Variants in BAIAP3 observed in about 807,000 individuals in gnomAD.
BAIAP3 encodes BAI1 associated protein 3, also known as BAI1-associated protein 3.
A neutral mutation model predicts 149.7 loss-of-function variants in BAIAP3; 180 were observed. The observed-to-expected ratio is 1.20, with a 90% CI of 1.07 to 1.36. The LOEUF (loss-of-function observed/expected upper bound fraction) is 1.36. Among genes scored for constraint, BAIAP3 ranks in the 40% most tolerant of loss-of-function variants. BAIAP3 has a pLI of 0.00. For missense variants in BAIAP3, 1,767 were observed against 1,563.4 expected, an observed-to-expected ratio of 1.13 and a Z score of -2.20; for synonymous variants, 845 against 670.7, an observed-to-expected ratio of 1.26 and a Z score of -4.02.
In BAIAP3 at chr16:1,342,807, C is replaced by T. The variant is rs1266353136; in HGVS notation, c.1154C>T (p.Ala385Val). The change falls in exon 13 of 34, where the codon GCA becomes GTA. Residue 385 changes from alanine (A) to valine (V), a missense_variant. Coordinates refer to ENST00000426824, the MANE Select transcript of BAIAP3 (RefSeq NM_001199097.2). The stretch of plus-strand genomic sequence containing the variant: ...CATCTGCTGCGGTTGGAGCACTCAG[C>T]AGAGGAGGTAGTGGGTGCGCCTAGG... ...LSHLLRLEHS[A>V]EEPNSSSWRG... 5.0e-6 allele frequency: 8 copies of T among 1,612,674 alleles called. No homozygotes were observed. Among genetic ancestry groups the T allele is most frequent in the South Asian group, 1.1e-5 (1 of 91,078 alleles).
chr16:1,344,863 C>G lies in BAIAP3; in HGVS notation c.1809+14C>G, dbSNP rs2141601990. On this transcript the variant is annotated intron_variant, in intron 20 of 33. Coordinates refer to ENST00000426824, the MANE Select transcript of BAIAP3 (RefSeq NM_001199097.2). ...CTGGAGCGTCTGGTGAGGAGGGTCC[C>G]TGACCCCGGGTGCCTGCCAGGCATG... 6.2e-7 allele frequency: 1 copy of G among 1,613,694 alleles called. No homozygotes were observed. Among genetic ancestry groups the G allele is most frequent in the East Asian group, 2.2e-5 (1 of 44,890 alleles).
At chr16:1,333,782 G>C (rs1403032514) in intron 1 of BAIAP3, 33 bp downstream of exon 1, 6 of 151,976 alleles carry the variant, frequency 3.9e-5, no homozygotes, top group Non-Finnish European at 8.8e-5. Context: ...AGTGCTGTTG[G>C]GCCGCCGTCT....
rs1368367575 is a variant in BAIAP3 at position 1,338,905 on chromosome 16, A to T, written c.135A>T (p.Lys45Asn). The T allele has an allele frequency of 6.2e-7, 1 of 1,612,828 alleles. No homozygotes were observed. Among genetic ancestry groups the T allele is most frequent in the Non-Finnish European group, 8.5e-7 (1 of 1,179,892 alleles). The change falls in exon 3 of 34, where the codon AAA becomes AAT. Residue 45 changes from lysine (K) to asparagine (N), a missense_variant. By Grantham distance (94) the Lys-to-Asn change is moderately conservative. Coordinates refer to ENST00000426824, the MANE Select transcript of BAIAP3 (RefSeq NM_001199097.2). ...DPQEPATGAW[K>N]PGDGVEFFAH... ...GCTGACCCGGCTCTTTCTCCAGGAA[A>T]CCCGGGGATGGCGTGGAGTTCTTTG...
Position 1,346,267 on chromosome 16 carries a change from G to A in BAIAP3, c.2399G>A (p.Gly800Glu). 1 of 1,610,380 alleles carries A rather than the reference G, an allele frequency of 6.2e-7. No homozygotes were observed. The highest frequency in any genetic ancestry group is 1.1e-5 in the South Asian group (1 of 90,828). The part of the protein sequence containing the change: ...AWPEGATGPE[G>E]VLPRPLLSCT... ...CCAGAGGGGGCCACGGGGCCCGAGGGGGTGCTCCCCCGCCCTCTGCTCAGC... is the reference window on the plus strand; with the variant it reads ...CCAGAGGGGGCCACGGGGCCCGAGGAGGTGCTCCCCCGCCCTCTGCTCAGC... Residue 800 changes from glycine to glutamate, a missense_variant, in exon 25 of 34, where the codon GGG becomes GAG. Coordinates refer to ENST00000426824, the MANE Select transcript of BAIAP3 (RefSeq NM_001199097.2).
At position 1,347,742 on chromosome 16, in the gene BAIAP3, T is replaced by C. The variant is rs761465156; in HGVS notation, c.2946T>C (p.Arg982=). The C allele has an allele frequency of 9.9e-6, 16 of 1,610,106 alleles. No homozygotes were observed. The highest frequency in any genetic ancestry group is 1.3e-5 in the African/African-American group (1 of 74,884). The part of the protein sequence containing the change: ...EQNRFGRLSV[R]CHYEAAEQRL... ...ACCGGTTTGGACGCCTGAGCGTCCG[T>C]TGCCATTACGAGGCGGCTGAGCAGC... is the stretch of plus-strand genomic sequence containing the variant. Residue 982 remains arginine, a synonymous_variant, in exon 31 of 34, where the codon CGT becomes CGC. Transcript: ENST00000426824.
At chr16:1,338,701 C>A in intron 2 of BAIAP3, 21 bp downstream of exon 2, 2 of 1,565,760 alleles carry the variant, frequency 1.3e-6, no homozygotes, top group Admixed American at 1.9e-5. Context: ...AGGGGCCCAG[C>A]CCCACACGCC....
rs773022653 is a variant in BAIAP3, at chr16:1,345,030, C to T, written c.1871C>T (p.Ala624Val). 3.1e-6 allele frequency: 5 copies of T among 1,612,476 alleles called. No individual in the cohort carries two copies. The Admixed American group carries it at 5.0e-5, about 16-fold the overall frequency. Residue 624 changes from alanine (A) to valine (V), a missense_variant, in exon 21 of 34, where the codon GCC becomes GTC. Physicochemically the swap from Ala to Val is moderately conservative, Grantham distance 64 (BLOSUM62 0). Transcript: ENST00000426824. ...ELSPKMTLEV[A>V]SGLFELYLTL... Reference sequence around the variant, plus strand: ...AGCCCCAAGATGACCCTGGAGGTGGCCTCGGGGCTCTTTGAGCTCTACCTG... The same window carrying T: ...AGCCCCAAGATGACCCTGGAGGTGGTCTCGGGGCTCTTTGAGCTCTACCTG...
At position 1,338,557 on chromosome 16, in the gene BAIAP3, C is replaced by T. The variant is rs1402100113; in HGVS notation, c.8C>T (p.Thr3Ile). 5 of 1,610,188 alleles carry T rather than the reference C, an allele frequency of 3.1e-6. No individual in the cohort carries two copies. Among genetic ancestry groups the T allele is most frequent in the Non-Finnish European group, 3.4e-6 (4 of 1,178,796 alleles). The change falls in exon 2 of 34, where the codon ACC becomes ATC. Residue 3 changes from threonine (T) to isoleucine (I), a missense_variant. Coordinates refer to ENST00000426824, the MANE Select transcript of BAIAP3 (RefSeq NM_001199097.2). MS[T>I]LLDIKSSVLR... ...TGCTGTAGGTCACCCGCCATGTCGA[C>T]CTTGCTGGACATTAAGAGCAGCGTG...
intron 28 of BAIAP3, 32 bp downstream of exon 28, chr16:1,346,987 G>C: frequency 6.4e-7 from 1 of 1,558,730 alleles, no homozygotes; most frequent in Non-Finnish European, 8.7e-7. Context: ...CTCCCCGCCG[G>C]CCCCCGCCTC....
Position 1,347,342 on chromosome 16 carries a change from G to A in BAIAP3, c.2796G>A (p.Leu932=). The A allele has an allele frequency of 1.2e-6, 2 of 1,613,582 alleles. No individual in the cohort carries two copies. The highest frequency in any genetic ancestry group is 8.5e-7 in the Non-Finnish European group (1 of 1,179,968). ...ACGCAGAGGGTCAGGGTTTGCCCCT[G>A]GAGAGCCTGAGGGATGGAAGCTACA... The part of the protein sequence containing the change: ...FFHAEGQGLP[L]ESLRDGSYKR... Residue 932 remains leucine, a synonymous_variant, in exon 29 of 34, where the codon CTG becomes CTA. Coordinates refer to ENST00000426824, the MANE Select transcript of BAIAP3 (RefSeq NM_001199097.2).
chr16:1,345,794 T>C lies in BAIAP3; in HGVS notation c.2112T>C (p.Thr704=). Residue 704 remains threonine, a synonymous_variant, in exon 23 of 34, where the codon ACT becomes ACC. Transcript: ENST00000426824. ...CCAGGCACAGCAGCTCCGCAGCCAC[T>C]GCTGGTCTCTGCCTCAGCCACATCC... ...ASSRHSSSAA[T]AGLCLSHIQE... 1 of 1,569,182 alleles carries C rather than the reference T, an allele frequency of 6.4e-7. No homozygotes were observed. Among genetic ancestry groups the C allele is most frequent in the South Asian group, 1.2e-5 (1 of 86,176 alleles).
At chr16:1,346,119 G>T (rs1485131306) in intron 24 of BAIAP3, 41 bp downstream of exon 24, 1 of 1,605,574 alleles carries the variant, frequency 6.2e-7, no homozygotes, top group South Asian at 1.1e-5. Flanking sequence ...AGGAGGTGGG[G>T]GGCCATCACC....
chr16:1,342,363 G>T (rs771798566), intron 11 of BAIAP3, 80 bp downstream of exon 11: 1 of 1,481,514 alleles, frequency 6.7e-7, no homozygotes, highest in South Asian at 1.2e-5. Context: ...GCAGGGCACT[G>T]CCTGGAGAAG....
At position 1,339,252 on chromosome 16, in the gene BAIAP3, T is replaced by TG. The variant is rs1328279162; in HGVS notation, c.300+13dup. ...GCCCTGGCCCCAGAGGAGGTAAAGG[T>TG]GGGGGTCGGAACCAGGGGCAGTCGT... is the stretch of plus-strand genomic sequence containing the variant. On this transcript the variant is annotated intron_variant, in intron 4 of 33. Coordinates refer to ENST00000426824, the MANE Select transcript of BAIAP3 (RefSeq NM_001199097.2). 2 of 1,558,482 alleles carry TG rather than the reference T, an allele frequency of 1.3e-6. No homozygotes were observed. Among genetic ancestry groups the TG allele is most frequent in the Middle Eastern group, 1.8e-4 (1 of 5,412 alleles).
rs1407303759 is a variant in BAIAP3, at chr16:1,342,984, G to T, written c.1233G>T (p.Gln411His). ...CCATCCTCTGCCTGCACGGAGCCCAGAGCAACCTGTCACCCTTGCAGCTGG... is the reference window on the plus strand; with the variant it reads ...CCATCCTCTGCCTGCACGGAGCCCATAGCAACCTGTCACCCTTGCAGCTGG... ...AATILCLHGA[Q>H]SNLSPLQLAV... The change falls in exon 14 of 34, where the codon CAG (glutamine) becomes CAT (histidine). Residue 411 changes from glutamine to histidine, a missense_variant. Coordinates refer to ENST00000426824, the MANE Select transcript of BAIAP3 (RefSeq NM_001199097.2). The T allele has an allele frequency of 6.2e-7, 1 of 1,610,868 alleles. No homozygotes were observed. Among genetic ancestry groups the T allele is most frequent in the Admixed American group, 1.7e-5 (1 of 60,004 alleles).
At position 1,344,745 on chromosome 16, in the gene BAIAP3, ACAGG is replaced by A. The variant is rs760289995; in HGVS notation, c.1757+48_1758-49del. The A allele has an allele frequency of 1.1e-5, 7 of 652,506 alleles. No homozygotes were observed. In the Admixed American group the frequency reaches 2.3e-4, roughly 21 times the overall value. 40.4% of individuals were successfully genotyped at this position (652,506 alleles called of 1,614,324 possible). On this transcript the variant is annotated intron_variant, in intron 19 of 33. Coordinates refer to ENST00000426824, the MANE Select transcript of BAIAP3 (RefSeq NM_001199097.2). ...TGTCCTGGGGCTGGGGTCGGAGCCA[ACAGG>A]GCCTGCAGGTGGGGCGCAGGTGGAT... is the stretch of plus-strand genomic sequence containing the variant.
Position 1,339,253 on chromosome 16 carries a change from G to A in BAIAP3, c.300+9G>A. 2 of 1,558,868 alleles carry A rather than the reference G, an allele frequency of 1.3e-6. No homozygotes were observed. Among genetic ancestry groups the A allele is most frequent in the African/African-American group, 1.4e-5 (1 of 74,046 alleles). Reference sequence around the variant, plus strand: ...CCCTGGCCCCAGAGGAGGTAAAGGTGGGGGTCGGAACCAGGGGCAGTCGTC... The same window carrying A: ...CCCTGGCCCCAGAGGAGGTAAAGGTAGGGGTCGGAACCAGGGGCAGTCGTC... On this transcript the variant is annotated intron_variant, in intron 4 of 33. Coordinates refer to ENST00000426824, the MANE Select transcript of BAIAP3 (RefSeq NM_001199097.2).
At chr16:1,335,487 C>T (rs1046445645) in intron 1 of BAIAP3, among the ~76,000 whole-genome samples, 4 of 152,206 alleles carry the variant, frequency 2.6e-5, no homozygotes, top group Non-Finnish European at 4.4e-5. Flanking sequence ...ACCTGGCTCA[C>T]TCCTGCCCCG....
In BAIAP3 at chr16:1,342,266, C is replaced by A. The variant is rs767492963; in HGVS notation, c.940C>A (p.Leu314Ile). The A allele has an allele frequency of 1.2e-6, 2 of 1,612,480 alleles. No homozygotes were observed. Among genetic ancestry groups the A allele is most frequent in the East Asian group, 2.2e-5 (1 of 44,868 alleles). The change falls in exon 11 of 34, where the codon CTC becomes ATC. Residue 314 changes from leucine (L) to isoleucine (I), a missense_variant. Leu to Ile is a conservative substitution (Grantham distance 5). Transcript: ENST00000426824. Reference protein sequence around the residue: ...EDHTDDFLGCLNIPVREVPVA... With the variant: ...EDHTDDFLGCINIPVREVPVA... Reference sequence around the variant, plus strand: ...CCACACCGATGACTTCCTGGGGTGCCTCAACATACCTGTCCGGGTGAGTGG... The same window carrying A: ...CCACACCGATGACTTCCTGGGGTGCATCAACATACCTGTCCGGGTGAGTGG...
Sources: gnomAD v4.1 joint callset for allele counts (sites outside exome capture counted in the v4.1 genomes callset) on GRCh38, gnomAD v4.1.1 for gene constraint, MANE v1.5 for transcripts, NCBI Gene and HGNC (gene_info 2026-07-23, HGNC 2026-07-21) for gene names.